The following PAM variants were observed in gnomAD, a reference collection of about 807,000 sequenced individuals.
The protein encoded by PAM is peptidylglycine alpha-amidating monooxygenase.
In PAM, 72 loss-of-function variants were observed where a neutral mutation model predicts 122.1. The ratio of observed to expected loss-of-function variants is 0.59; its 90% confidence interval spans 0.49 to 0.72. The LOEUF is 0.72. Ranked by LOEUF, PAM falls within the 30% of genes least tolerant of loss-of-function variation. The pLI is 0.00. For missense variants in PAM, 1,106 were observed against 1,183.7 expected, an observed-to-expected ratio of 0.93 and a Z score of 0.96; for synonymous variants, 389 against 404.4, an observed-to-expected ratio of 0.96 and a Z score of 0.46.
chr5:102,928,376 T>C (rs1581794133), intron 7 of PAM, among the ~76,000 whole-genome samples: 1 of 152,224 alleles, frequency 6.6e-6, no homozygotes, highest in Admixed American at 6.5e-5. Context: ...AAAGTACTGA[T>C]ATTTTAATAT....
At chr5:102,868,482 T>C (rs1786301758) in intron 3 of PAM, among the ~76,000 whole-genome samples, 1 of 152,202 alleles carries the variant, frequency 6.6e-6, no homozygotes, top group African/African-American at 2.4e-5. Context: ...CAAATGACCA[T>C]GCAGATGACT....
chr5:102,923,877 T>G (rs1748357772), intron 5 of PAM, among the ~76,000 whole-genome samples: 1 of 152,234 alleles, frequency 6.6e-6, no homozygotes, highest in East Asian at 1.9e-4. Context: ...CTGTCAACAG[T>G]GAATCTTCAG....
Position 102,876,966 on chromosome 5 carries a change from G to A in PAM, c.210+9573G>A, listed in dbSNP as rs1356040847. Among the ~76,000 whole-genome samples the A allele has an allele frequency of 3.3e-5, 5 of 152,204 alleles. No homozygotes were observed. In the East Asian group the frequency reaches 9.6e-4, roughly 29 times the overall value. On this transcript the variant is annotated intron_variant, in intron 3 of 25. Transcript: ENST00000438793. ...TTAGTGTTTGTTCAAGTCTTTGTAA[G>A]CCAAGGTGAAGGCCTAGTCAAGAAG...
chr5:103,017,580 G>A lies in PAM; in HGVS notation c.2431+147G>A, dbSNP rs11960579. ...AAGCAGTTGTTAAAAGACCTATTTG[G>A]TGTCCATTAAGTGGAAAGAAACGAT... On this transcript the variant is annotated intron_variant, in intron 22 of 25. Transcript: ENST00000438793. The A allele has an allele frequency of 0.013, 7,827 of 598,696 alleles. 473 individuals are homozygous for A. In the African/African-American group the frequency reaches 0.13, roughly 10 times the overall value. 37.1% of individuals were successfully genotyped at this position (598,696 alleles called of 1,614,324 possible). A position where few individuals can be genotyped will look rare whatever the true frequency, so the allele number is the denominator to read the frequency against.
At chr5:102,882,110 T>TATATATATATACACAC (rs1561748160) in intron 3 of PAM, among the ~76,000 whole-genome samples, 9 of 103,786 alleles carry the variant, frequency 8.7e-5, no homozygotes, top group African/African-American at 3.5e-4. Context: ...TATATATATA[T>TATATATATATACACAC]ACACCACATT....
intron 1 of PAM, among the ~76,000 whole-genome samples, chr5:102,826,691 GT>G (rs1773737359): frequency 1.3e-5 from 2 of 152,098 alleles, no homozygotes; most frequent in Non-Finnish European, 2.9e-5. Context: ...ATACAAATTT[GT>G]TTCTGAATGT....
intron 7 of PAM, among the ~76,000 whole-genome samples, chr5:102,930,694 C>T (rs979615500): frequency 1.3e-5 from 2 of 152,132 alleles, no homozygotes; most frequent in Admixed American, 1.3e-4. Context: ...TTTTCATTTC[C>T]TAATGCCGCT....
chr5:102,992,981 C>T (rs932302142), intron 16 of PAM, among the ~76,000 whole-genome samples: 2 of 152,020 alleles, frequency 1.3e-5, no homozygotes, highest in African/African-American at 2.4e-5. Context: ...AATATCATTG[C>T]ATCAGCTGTC....
rs116593124 is a variant in PAM at position 102,891,965 on chromosome 5, G to C, written c.211-9391G>C. Reference sequence around the variant, plus strand: ...TCTTGCCTAAGAGAAATTCCCTTTTGTTCCAGCATTGGCCTTCCCTTTCCT... The same window carrying C: ...TCTTGCCTAAGAGAAATTCCCTTTTCTTCCAGCATTGGCCTTCCCTTTCCT... On this transcript the variant is annotated intron_variant, in intron 3 of 25. Transcript: ENST00000438793. Among the ~76,000 whole-genome samples the C allele has an allele frequency of 8.1e-3, 1,223 of 151,902 alleles. 22 individuals are homozygous for C. Among genetic ancestry groups the C allele is most frequent in the African/African-American group, 0.028 (1,144 of 41,492 alleles).
At chr5:102,874,404 T>G (rs780228064) in intron 3 of PAM, among the ~76,000 whole-genome samples, 15 of 152,322 alleles carry the variant, frequency 9.8e-5, no homozygotes, top group Non-Finnish European at 1.8e-4. Context: ...TGATACTTCC[T>G]CTTTATTTTT....
intron 4 of PAM, among the ~76,000 whole-genome samples, chr5:102,905,759 T>C (rs943161454): frequency 6.6e-6 from 1 of 151,680 alleles, no homozygotes; most frequent in African/African-American, 2.4e-5. Context: ...TTCTGTTACC[T>C]TTCTGCTTCC....
intron 1 of PAM, among the ~76,000 whole-genome samples, chr5:102,775,203 T>TA (rs1398410796): frequency 6.6e-6 from 1 of 152,116 alleles, no homozygotes; most frequent in South Asian, 2.1e-4. Context: ...GAATATGGCC[T>TA]AAAAAATTTT....
chr5:102,858,120 G>T (rs1783122731), intron 1 of PAM, among the ~76,000 whole-genome samples: 1 of 152,174 alleles, frequency 6.6e-6, no homozygotes, highest in Non-Finnish European at 1.5e-5. Context: ...TGGCATATGA[G>T]TCAGTAAGTG....
intron 1 of PAM, among the ~76,000 whole-genome samples, chr5:102,822,930 A>C (rs556938696): frequency 6.6e-6 from 1 of 152,136 alleles, no homozygotes; most frequent in African/African-American, 2.4e-5. Flanking sequence ...ATCCCAGTCC[A>C]TGGCCCTCCC....
intron 4 of PAM, among the ~76,000 whole-genome samples, chr5:102,912,846 G>T (rs913906449): frequency 1.3e-5 from 2 of 152,010 alleles, no homozygotes; most frequent in African/African-American, 4.8e-5. Flanking sequence ...TGCAGTAAAA[G>T]AAAGGTTTGT....
chr5:102,887,448 T>C (rs1264076031), intron 3 of PAM, among the ~76,000 whole-genome samples: 1 of 151,964 alleles, frequency 6.6e-6, no homozygotes, highest in Non-Finnish European at 1.5e-5. Flanking sequence ...CAACCTTTTT[T>C]CTTGGTAAAC....
intron 20 of PAM, among the ~76,000 whole-genome samples, chr5:103,008,307 T>G (rs552514646): frequency 6.6e-6 from 1 of 152,184 alleles, no homozygotes; most frequent in Admixed American, 6.5e-5. Flanking sequence ...TAAATTGTAA[T>G]TGACATAGTA....
chr5:102,955,051 T>A (rs1338563850), intron 12 of PAM, among the ~76,000 whole-genome samples: 2 of 152,130 alleles, frequency 1.3e-5, no homozygotes, highest in Non-Finnish European at 2.9e-5. Flanking sequence ...GTAAAATGAC[T>A]TCTTTGAAGT....
chr5:102,900,727 C>T (rs1161945471), intron 3 of PAM, among the ~76,000 whole-genome samples: 2 of 151,416 alleles, frequency 1.3e-5, no homozygotes, highest in African/African-American at 4.8e-5. Context: ...ATCTCATTCT[C>T]CTTAAATTGT....
Sources: allele counts gnomAD v4.1 joint callset (sites outside exome capture counted in the v4.1 genomes callset), GRCh38; gene constraint gnomAD v4.1.1; transcripts MANE v1.5; gene names NCBI Gene and HGNC (gene_info 2026-07-23, HGNC 2026-07-21).